The following PRKG1 variants were observed in gnomAD, a reference collection of about 807,000 sequenced individuals.
PRKG1 encodes the protein protein kinase cGMP-dependent 1, also known as cGMP-dependent protein kinase 1.
A neutral mutation model predicts 88.1 loss-of-function variants in PRKG1; 35 were observed. That is an observed-to-expected ratio of 0.40 (90% CI 0.30 to 0.53). PRKG1 has a LOEUF of 0.53. Among genes scored for constraint, PRKG1 ranks in the 20% least tolerant of loss-of-function variants. The probability of loss-of-function intolerance (pLI) is 0.59; values close to 1 mark genes in which losing one functional copy is unlikely to be tolerated. For missense variants in PRKG1, 540 were observed against 839.8 expected (o/e 0.64, Z 4.41); for synonymous variants, 303 against 292.5 (o/e 1.04, Z -0.37).
intron 2 of PRKG1, among the ~76,000 whole-genome samples, chr10:51,463,487 A>G (rs936847672): frequency 6.6e-6 from 1 of 152,218 alleles, no homozygotes; most frequent in African/African-American, 2.4e-5. Flanking sequence ...CCACAGAATG[A>G]AAAAGAAGAA....
At chr10:51,756,989 A>T (rs1045222917) in intron 3 of PRKG1, among the ~76,000 whole-genome samples, 8 of 152,056 alleles carry the variant, frequency 5.3e-5, no homozygotes, top group Non-Finnish European at 8.8e-5. Context: ...GTTGATTAGA[A>T]GGCTTATATT....
chr10:51,681,884 A>T (rs907800071), intron 3 of PRKG1, among the ~76,000 whole-genome samples: 4 of 152,200 alleles, frequency 2.6e-5, no homozygotes, highest in Non-Finnish European at 5.9e-5. Context: ...AGCTTTCAAA[A>T]GTCCTTTCAC....
At chr10:51,907,688 C>G in intron 5 of PRKG1, 118 bp downstream of exon 5, 1 of 811,812 alleles carries the variant, frequency 1.2e-6, no homozygotes. Flanking sequence ...AATTTCTAAG[C>G]TCTGGGATGA....
chr10:51,669,304 A>G (rs79655542), intron 3 of PRKG1, among the ~76,000 whole-genome samples: 6,327 of 152,220 alleles, frequency 0.042, 173 homozygotes, highest in Middle Eastern at 0.078. Context: ...GTGTCTTCCT[A>G]TGGTGAAAAG....
At chr10:51,440,138 C>A (rs1267537295) in intron 2 of PRKG1, among the ~76,000 whole-genome samples, 2 of 151,732 alleles carry the variant, frequency 1.3e-5, no homozygotes, top group Non-Finnish European at 2.9e-5. Flanking sequence ...GTTCTTTTGA[C>A]GTTGAGTATG....
At chr10:51,949,592 T>C (rs2339898) in intron 5 of PRKG1, among the ~76,000 whole-genome samples, 73,797 of 151,914 alleles carry the variant, frequency 0.49, 20,935 homozygotes, top group African/African-American at 0.78. Flanking sequence ...AAGAGAGTTG[T>C]CACTCAGGAA....
intron 5 of PRKG1, among the ~76,000 whole-genome samples, chr10:51,957,385 G>C (rs1843340740): frequency 6.6e-6 from 1 of 151,176 alleles, no homozygotes; most frequent in Non-Finnish European, 1.5e-5. Context: ...TAAGACTCCT[G>C]GGCTCAAGTG....
intron 1 of PRKG1, among the ~76,000 whole-genome samples, chr10:51,061,060 G>GTGTGTGTGT (rs148204735): frequency 6.8e-6 from 1 of 147,042 alleles, no homozygotes; most frequent in Non-Finnish European, 1.5e-5. Context: ...TATACCTAGG[G>GTGTGTGTGT]GTGTGTGTGT....
chr10:51,885,925 A>T (rs6480541), intron 4 of PRKG1, among the ~76,000 whole-genome samples: 50,944 of 152,136 alleles, frequency 0.33, 9,769 homozygotes, highest in African/African-American at 0.48. Context: ...GGAAGGTATG[A>T]AATACATCTT....
In PRKG1 at chr10:52,297,340, C is replaced by G. The variant is rs1842404417; in HGVS notation, c.*3440C>G. 1 of 152,086 alleles carries G rather than the reference C, an allele frequency of 6.6e-6. No individual in the cohort carries two copies. Among genetic ancestry groups the G allele is most frequent in the Admixed American group, 6.6e-5 (1 of 15,236 alleles). 9.4% of individuals were successfully genotyped at this position (152,086 alleles called of 1,614,324 possible). A position where few individuals can be genotyped will look rare whatever the true frequency, so the allele number is the denominator to read the frequency against. On this transcript the variant is annotated 3_prime_UTR_variant, in exon 18 of 18. Transcript: ENST00000373980. ...ATAGTTTAGAACATGACCTGGCTATCTGGCATTGTTGCAAGTGCCTTAAAT... is the reference window on the plus strand; with the variant it reads ...ATAGTTTAGAACATGACCTGGCTATGTGGCATTGTTGCAAGTGCCTTAAAT...
chr10:51,545,125 A>G (rs1006555031), intron 3 of PRKG1, among the ~76,000 whole-genome samples: 2 of 152,078 alleles, frequency 1.3e-5, no homozygotes, highest in African/African-American at 4.8e-5. Flanking sequence ...AATGGGTTAT[A>G]AGGGTCATAA....
chr10:52,041,330 C>A (rs1228260196), intron 5 of PRKG1, among the ~76,000 whole-genome samples: 1 of 152,140 alleles, frequency 6.6e-6, no homozygotes, highest in South Asian at 2.1e-4. Context: ...TGAATCCCAC[C>A]TGATCATGGT....
At chr10:51,165,374 G>T (rs1244526490) in intron 2 of PRKG1, among the ~76,000 whole-genome samples, 2 of 152,014 alleles carry the variant, frequency 1.3e-5, no homozygotes, top group Admixed American at 1.3e-4. Flanking sequence ...CACCAGGCCT[G>T]CCCTAAAAGA....
At chr10:51,925,792 T>G (rs1564711326) in intron 5 of PRKG1, among the ~76,000 whole-genome samples, 1 of 152,150 alleles carries the variant, frequency 6.6e-6, no homozygotes, top group Admixed American at 6.6e-5. Context: ...TTCTGATTTT[T>G]GGGGCAGCAG....
chr10:51,161,103 T>C (rs1331914281), intron 2 of PRKG1, among the ~76,000 whole-genome samples: 1 of 152,326 alleles, frequency 6.6e-6, no homozygotes, highest in South Asian at 2.1e-4. Flanking sequence ...ACAGTAAATA[T>C]GCTTTTGAAA....
chr10:52,034,347 G>A lies in PRKG1; in HGVS notation c.763-20137G>A, dbSNP rs1034117414. 2.8e-3 allele frequency among the ~76,000 whole-genome samples: 338 copies of A among 119,642 alleles called. 24 individuals are homozygous for A. Among genetic ancestry groups the A allele is most frequent in the Admixed American group, 4.5e-3 (53 of 11,680 alleles). The allele number at this position is 119,642 out of a possible 152,430, so 78.5% of individuals were successfully genotyped here. On this transcript the variant is annotated intron_variant, in intron 5 of 17. Coordinates refer to ENST00000373980, the MANE Select transcript of PRKG1 (RefSeq NM_006258.4). ...TGCTTCAAGCGGGATTAGGGGTGAC[G>A]TGGGAACCTAGAGTGGGAGAGATTA...
At chr10:51,082,927 G>A (rs913877918) in intron 1 of PRKG1, among the ~76,000 whole-genome samples, 2 of 152,080 alleles carry the variant, frequency 1.3e-5, no homozygotes, top group Non-Finnish European at 2.9e-5. Context: ...AATTGCTCTG[G>A]GGTAGACCTG....
At chr10:51,906,011 A>C (rs1487837215) in intron 4 of PRKG1, among the ~76,000 whole-genome samples, 1 of 152,166 alleles carries the variant, frequency 6.6e-6, no homozygotes, top group Non-Finnish European at 1.5e-5. Context: ...GTACGAGATT[A>C]AAGAGATCGT....
chr10:52,017,055 A>G (rs1845058949), intron 5 of PRKG1, among the ~76,000 whole-genome samples: 1 of 152,174 alleles, frequency 6.6e-6, no homozygotes, highest in African/African-American at 2.4e-5. Context: ...TGAGGAACAA[A>G]AAGAAGGTTA....
Sources: gnomAD v4.1 joint callset for allele counts (sites outside exome capture counted in the v4.1 genomes callset) on GRCh38, gnomAD v4.1.1 for gene constraint, MANE v1.5 for transcripts, NCBI Gene and HGNC (gene_info 2026-07-23, HGNC 2026-07-21) for gene names.